DMD: variants seen among roughly 807,000 people sequenced by gnomAD.
DMD encodes the protein mutant dystrophin.
In DMD, 63 loss-of-function variants were observed where a neutral mutation model predicts 330.1. The ratio of observed to expected loss-of-function variants is 0.19; its 90% CI spans 0.16 to 0.24. The LOEUF (loss-of-function observed/expected upper bound fraction) is 0.24, where lower values mean the gene tolerates loss of function less well. Among genes scored for constraint, DMD ranks in the 10% least tolerant of loss-of-function variants. The pLI, the probability that DMD is intolerant of heterozygous loss-of-function variation, is 1.00. For missense variants in DMD, 3,344 were observed against 2,684.1 expected (o/e 1.25, Z -5.43); for synonymous variants, 1,223 against 959.8 (o/e 1.27, Z -5.07).
At chrX:31,882,125 A>G (rs1169194822) in intron 47 of DMD, among the ~76,000 whole-genome samples, 1 of 112,506 alleles carries the variant, frequency 8.9e-6, no homozygotes, top group East Asian at 2.8e-4. Flanking sequence ...ATTTATATGT[A>G]AGTGCAAAGG....
At chrX:32,620,704 A>T (rs139831228) in intron 11 of DMD, among the ~76,000 whole-genome samples, 2,935 of 112,169 alleles carry the variant, frequency 0.026, 37 homozygotes, top group Non-Finnish European at 0.037. Flanking sequence ...ATATCTATGC[A>T]GGAAACTCAT....
chrX:33,076,993 G>GAGCT (rs1490539456), intron 1 of DMD, among the ~76,000 whole-genome samples: 2 of 110,725 alleles, frequency 1.8e-5, no homozygotes, highest in African/African-American at 6.6e-5. Context: ...CAGGGAGTCG[G>GAGCT]AGCTGTCTTC....
chrX:31,782,473 T>C (rs1204634306), intron 50 of DMD, among the ~76,000 whole-genome samples: 3 of 110,608 alleles, frequency 2.7e-5, no homozygotes, highest in Non-Finnish European at 3.8e-5. Flanking sequence ...ACCAGACATA[T>C]GAATGCCACA....
intron 2 of DMD, among the ~76,000 whole-genome samples, chrX:32,893,957 T>C (rs1051563172): frequency 2.7e-5 from 3 of 110,617 alleles, no homozygotes; most frequent in African/African-American, 9.9e-5. Context: ...ATGCACTGGG[T>C]GGCCGGTGCC....
At chrX:32,393,572 A>G (rs887587596) in intron 30 of DMD, among the ~76,000 whole-genome samples, 6 of 111,662 alleles carry the variant, frequency 5.4e-5, no homozygotes, top group Non-Finnish European at 9.4e-5. Context: ...GTGAGTTTGC[A>G]TTTTAATAAT....
intron 61 of DMD, among the ~76,000 whole-genome samples, chrX:31,338,388 C>T (rs955784044): frequency 3.7e-5 from 4 of 108,708 alleles, no homozygotes; most frequent in Non-Finnish European, 7.6e-5. Context: ...ATAGCTTGAA[C>T]CTGGGAGGCG....
intron 11 of DMD, among the ~76,000 whole-genome samples, chrX:32,642,308 A>G (rs777259693): frequency 2.7e-4 from 30 of 111,843 alleles, no homozygotes; most frequent in Admixed American, 1.2e-3. Flanking sequence ...CATTTTAAAA[A>G]CTCTGTGAGA....
intron 43 of DMD, among the ~76,000 whole-genome samples, chrX:32,237,278 TTCTG>T (rs201280851): frequency 0.079 from 8,791 of 111,345 alleles, 370 homozygotes; most frequent in African/African-American, 0.15. Context: ...TAAATGGTAC[TTCTG>T]TCTGTCATAC....
chrX:31,555,774 A>G (rs2074772752), intron 55 of DMD, among the ~76,000 whole-genome samples: 1 of 112,300 alleles, frequency 8.9e-6, no homozygotes, highest in African/African-American at 3.2e-5. Flanking sequence ...CAGACAAGAC[A>G]TATAATGTTG....
intron 59 of DMD, among the ~76,000 whole-genome samples, chrX:31,464,097 G>A (rs1249929339): frequency 9.0e-6 from 1 of 111,452 alleles, no homozygotes; most frequent in Non-Finnish European, 1.9e-5. Flanking sequence ...GCATATTATA[G>A]GATCAGATGT....
intron 44 of DMD, among the ~76,000 whole-genome samples, chrX:32,205,010 T>TACACACACACACACACACACACAC (rs57507348): frequency 1.9e-5 from 1 of 53,071 alleles, no homozygotes; most frequent in Non-Finnish European, 3.4e-5. Context: ...CTCTCTCACA[T>TACACACACACACACACACACACAC]ACACACACAC....
chrX:32,877,918 A>G (rs906509740), intron 2 of DMD, among the ~76,000 whole-genome samples: 2 of 111,658 alleles, frequency 1.8e-5, no homozygotes, highest in Non-Finnish European at 3.8e-5. Context: ...CCCCATTCCT[A>G]TTCTACTTCT....
chrX:32,485,926 G>A (rs886827917), intron 20 of DMD, among the ~76,000 whole-genome samples: 1 of 108,018 alleles, frequency 9.3e-6, no homozygotes, highest in African/African-American at 3.4e-5. Context: ...TTTATTTTTA[G>A]TAGAGATGGA....
At chrX:32,696,206 A>G (rs1269478351) in intron 9 of DMD, among the ~76,000 whole-genome samples, 1 of 111,771 alleles carries the variant, frequency 8.9e-6, no homozygotes, top group African/African-American at 3.3e-5. Context: ...TTTGAAGTAG[A>G]GCAGGTACAG....
intron 41 of DMD, among the ~76,000 whole-genome samples, chrX:32,331,601 T>C (rs1388173430): frequency 9.0e-6 from 1 of 111,592 alleles, no homozygotes; most frequent in Non-Finnish European, 1.9e-5. Flanking sequence ...TTTATTAATA[T>C]ATTTGACAAC....
intron 60 of DMD, among the ~76,000 whole-genome samples, chrX:31,422,559 G>A (rs940338931): frequency 9.0e-6 from 1 of 111,690 alleles, no homozygotes; most frequent in African/African-American, 3.3e-5. Flanking sequence ...GACGGGCAAT[G>A]GTTAAATTGT....
At chrX:31,834,375 G>C (rs1222521852) in intron 49 of DMD, among the ~76,000 whole-genome samples, 1 of 111,647 alleles carries the variant, frequency 9.0e-6, no homozygotes, top group Non-Finnish European at 1.9e-5. Context: ...AGTTGTGCGT[G>C]AGTCAACTAT....
intron 52 of DMD, among the ~76,000 whole-genome samples, chrX:31,694,383 T>C (rs912324515): frequency 1.8e-5 from 2 of 108,266 alleles, no homozygotes; most frequent in Non-Finnish European, 3.8e-5. Context: ...AACACAAAAA[T>C]AGGTAAGTAA....
chrX:32,455,633 C>G (rs5972576), intron 25 of DMD, among the ~76,000 whole-genome samples: 15,787 of 110,397 alleles, frequency 0.14, 1,296 homozygotes, highest in African/African-American at 0.31. Context: ...AGTGTAGAGA[C>G]TAACATGTAC....
Sources: gnomAD v4.1 joint callset for allele counts (sites outside exome capture counted in the v4.1 genomes callset) on GRCh38, gnomAD v4.1.1 for gene constraint, MANE v1.5 for transcripts, NCBI Gene and HGNC (gene_info 2026-07-23, HGNC 2026-07-21) for gene names.